Variants in SLC13A5 observed in about 807,000 individuals in gnomAD.
SLC13A5 encodes Na(+)/citrate cotransporter.
In SLC13A5, 25 loss-of-function variants were observed where a neutral mutation model predicts 56.5. The ratio of observed to expected loss-of-function variants is 0.44; its 90% CI spans 0.32 to 0.62. The LOEUF is 0.62. Ranked by LOEUF, SLC13A5 falls within the 20% of genes least tolerant of loss-of-function variation. SLC13A5 has a pLI of 0.04. For missense variants in SLC13A5, 649 were observed against 737.8 expected (o/e 0.88, Z 1.39); for synonymous variants, 307 against 301.5 (o/e 1.02, Z -0.19).
rs1329149350 is a variant in SLC13A5, at chr17:6,692,045, T to C, written c.1275+999A>G. On this transcript the variant is annotated intron_variant, in intron 9 of 11. Transcript: ENST00000433363. This position sits in a 1 kb window ranked among gnomAD's most constrained non-coding sequence, Gnocchi z 5.5. Reference sequence around the variant, plus strand: ...TGAAGTCTGCCACGAACAGGGACCGTATCTCAATCTCCTCTGTAATCTCTG... The same window carrying C: ...TGAAGTCTGCCACGAACAGGGACCGCATCTCAATCTCCTCTGTAATCTCTG... Among the ~76,000 whole-genome samples, 1 of 152,196 alleles carries C rather than the reference T, an allele frequency of 6.6e-6. No homozygotes were observed. Among genetic ancestry groups the C allele is most frequent in the Non-Finnish European group, 1.5e-5 (1 of 68,032 alleles).
chr17:6,694,076 C>A, intron 8 of SLC13A5, 21 bp downstream of exon 8: 1 of 1,554,786 alleles, frequency 6.4e-7, no homozygotes, highest in South Asian at 1.1e-5. Flanking sequence ...GATGACTGGG[C>A]GATCAGAACA....
chr17:6,696,861 T>C (rs1973575788), intron 6 of SLC13A5, among the ~76,000 whole-genome samples: 1 of 152,100 alleles, frequency 6.6e-6, no homozygotes, highest in African/African-American at 2.4e-5. Flanking sequence ...AAGGGGTTGA[T>C]GGAATAGGAG....
rs1973548831 is a variant in SLC13A5, at chr17:6,695,907, T to G, written c.874A>C (p.Lys292Gln). 6.2e-7 allele frequency: 1 copy of G among 1,614,080 alleles called. No homozygotes were observed. The highest frequency in any genetic ancestry group is 2.2e-5 in the East Asian group (1 of 44,876). Residue 292 changes from lysine (K) to glutamine (Q), a missense_variant, in exon 7 of 12, where the codon AAG becomes CAG. Lys to Gln is a moderately conservative substitution (Grantham distance 53). Transcript: ENST00000433363. ...TTGAGGGCAGCCTTCTCGTTTTTCTTGCTCTCTAGCCCGCAGCCCCAGGAC... is the reference window on the plus strand; with the variant it reads ...TTGAGGGCAGCCTTCTCGTTTTTCTGGCTCTCTAGCCCGCAGCCCCAGGAC... ...KKSWGCGLES[K>Q]KNEKAALKVL... is the part of the protein sequence containing the mutation.
chr17:6,705,371 A>T (rs1032479110), intron 3 of SLC13A5: 2 of 152,102 alleles, frequency 1.3e-5, no homozygotes, highest in Admixed American at 1.3e-4. Flanking sequence ...ATACAGAAGC[A>T]TGTGTGAACT....
Position 6,687,211 on chromosome 17 carries a change from A to C in SLC13A5, c.1575+318T>G. On this transcript the variant is annotated intron_variant, in intron 11 of 11. Coordinates refer to ENST00000433363, the MANE Select transcript of SLC13A5 (RefSeq NM_177550.5). This position sits in a 1 kb window ranked among gnomAD's most constrained non-coding sequence, Gnocchi z 5.0. Reference sequence around the variant, plus strand: ...CTTCATGGTTCTTGCTAATTTGTCAAGTTCATCCTTGGCCATATGAGTCCC... The same window carrying C: ...CTTCATGGTTCTTGCTAATTTGTCACGTTCATCCTTGGCCATATGAGTCCC... 1 of 304,052 alleles carries C rather than the reference A, an allele frequency of 3.3e-6. No individual in the cohort carries two copies. Among genetic ancestry groups the C allele is most frequent in the South Asian group, 3.6e-5 (1 of 28,046 alleles). The allele number at this position is 304,052 out of a possible 1,614,324, so 18.8% of individuals were successfully genotyped here.
chr17:6,696,996 T>C (rs1973579820), intron 6 of SLC13A5, among the ~76,000 whole-genome samples: 1 of 151,794 alleles, frequency 6.6e-6, no homozygotes, highest in South Asian at 2.1e-4. Flanking sequence ...CTTTCTGGGG[T>C]GCTCAGGGGT....
rs896170301 is a variant in SLC13A5, at chr17:6,685,921, C to T, written c.*286G>A. ...TACAGCAGCCTGCATCCTGATCCCT[C>T]GGCTACCTGGCCTCCCTCACAGAGA... On this transcript the variant is annotated 3_prime_UTR_variant, in exon 12 of 12. Coordinates refer to ENST00000433363, the MANE Select transcript of SLC13A5 (RefSeq NM_177550.5). The surrounding 1 kb of genome is among the most constrained non-coding windows in gnomAD (Gnocchi z 4.2). 10 of 415,646 alleles carry T rather than the reference C, an allele frequency of 2.4e-5. No individual in the cohort carries two copies. Among genetic ancestry groups the T allele is most frequent in the African/African-American group, 6.0e-5 (3 of 49,888 alleles). The allele number at this position is 415,646 out of a possible 1,614,324, so 25.7% of individuals were successfully genotyped here.
chr17:6,690,898 A>G lies in SLC13A5; in HGVS notation c.1318T>C (p.Leu440=), dbSNP rs1341974633. The stretch of plus-strand genomic sequence containing the variant: ...ATGGCTGCCGGGGGCACTGCGTGCA[A>G]GGGCTCCATCTGCTTCCCCATCCAC... ...SVWMGKQMEP[L]HAVPPAAITL... is the part of the protein sequence containing the mutation. Residue 440 remains leucine (L), a synonymous_variant, in exon 10 of 12, where the codon TTG becomes CTG. Transcript: ENST00000433363. The G allele has an allele frequency of 3.7e-6, 6 of 1,613,994 alleles. No individual in the cohort carries two copies. In the South Asian group the frequency reaches 6.6e-5, roughly 18 times the overall value.
rs139436709 is a variant in SLC13A5, at chr17:6,711,540, TTTTGTGTGTGTG to T, written c.102+1680_102+1691del. 0.15 allele frequency among the ~76,000 whole-genome samples: 22,969 copies of T among 149,732 alleles called. 2,039 individuals carry two copies. Among genetic ancestry groups the T allele is most frequent in the Admixed American group, 0.32 (4,766 of 15,024 alleles). The stretch of plus-strand genomic sequence containing the variant: ...TGTGTGTGTTTGTGTTTTTTGTGTG[TTTTGTGTGTGTG>T]TTTGTGTGTGTGTTTGTGTGTCTGT... On this transcript the variant is annotated intron_variant, in intron 1 of 11. Transcript: ENST00000433363. This position sits in a 1 kb window ranked among gnomAD's most constrained non-coding sequence, Gnocchi z 4.0.
rs2150960639 is a variant in SLC13A5, at chr17:6,686,115, G to T, written c.*92C>A. 2 of 1,564,168 alleles carry T rather than the reference G, an allele frequency of 1.3e-6. No individual in the cohort carries two copies. Among genetic ancestry groups the T allele is most frequent in the East Asian group, 2.3e-5 (1 of 44,290 alleles). ...TGTGGACATCGTTGGGTCATTTTGG[G>T]GTGTGAACCCCAAAACTCTGTACAA... On this transcript the variant is annotated 3_prime_UTR_variant, in exon 12 of 12. Coordinates refer to ENST00000433363, the MANE Select transcript of SLC13A5 (RefSeq NM_177550.5).
chr17:6,692,911 G>T lies in SLC13A5; in HGVS notation c.1275+133C>A. 1.4e-6 allele frequency: 1 copy of T among 714,466 alleles called. No homozygotes were observed. The highest frequency in any genetic ancestry group is 2.5e-6 in the Non-Finnish European group (1 of 395,872). 44.3% of individuals were successfully genotyped at this position (714,466 alleles called of 1,614,324 possible). A position where few individuals can be genotyped will look rare whatever the true frequency, so the allele number is the denominator to read the frequency against. On this transcript the variant is annotated intron_variant, in intron 9 of 11. Coordinates refer to ENST00000433363, the MANE Select transcript of SLC13A5 (RefSeq NM_177550.5). This position sits in a 1 kb window ranked among gnomAD's most constrained non-coding sequence, Gnocchi z 5.5. ...TCCTAGATGACAAGACAGAGTCCAT[G>T]TCCTCAAGGAATGTGCGGTTATACG...
chr17:6,707,203 C>T (rs768850143), intron 1 of SLC13A5, 47 bp from the exon 2 acceptor site: 12 of 1,607,516 alleles, frequency 7.5e-6, no homozygotes, highest in Admixed American at 1.7e-5. Flanking sequence ...CCTCCCTCTC[C>T]CCACCCCCAG....
intron 8 of SLC13A5, chr17:6,693,544 A>G (rs781038193): frequency 1.8e-5 from 3 of 164,356 alleles, no homozygotes; most frequent in Non-Finnish European, 3.9e-5. Flanking sequence ...GCAAGAAAAC[A>G]TTAATTTATG....
At chr17:6,702,217 C>A (rs896899242) in intron 5 of SLC13A5, among the ~76,000 whole-genome samples, 7 of 152,274 alleles carry the variant, frequency 4.6e-5, no homozygotes, top group South Asian at 4.1e-4. Flanking sequence ...TTTGTGCCTG[C>A]CCACTGCAAT....
At chr17:6,708,655 T>C (rs1423647044) in intron 1 of SLC13A5, among the ~76,000 whole-genome samples, 3 of 152,176 alleles carry the variant, frequency 2.0e-5, no homozygotes, top group African/African-American at 4.8e-5. Flanking sequence ...TTAAGAAACA[T>C]TGAAAACAAG....
chr17:6,712,416 G>A (rs887936818), intron 1 of SLC13A5, among the ~76,000 whole-genome samples: 2 of 152,352 alleles, frequency 1.3e-5, no homozygotes, highest in African/African-American at 2.4e-5. Flanking sequence ...TGGAGCCTGC[G>A]CCCACCCTGC....
chr17:6,700,435 G>A (rs1468774594), intron 6 of SLC13A5, among the ~76,000 whole-genome samples: 1 of 152,272 alleles, frequency 6.6e-6, no homozygotes, highest in Non-Finnish European at 1.5e-5. Flanking sequence ...TTGAGGCACA[G>A]AGCGTATGCG....
At position 6,694,161 on chromosome 17, in the gene SLC13A5, G is replaced by A. The variant is rs55698160; in HGVS notation, c.1092C>T (p.Ala364=). The A allele has an allele frequency of 0.087, 140,372 of 1,612,512 alleles. 6,722 individuals carry two copies. Among genetic ancestry groups the A allele is most frequent in the African/African-American group, 0.12 (8,758 of 74,900 alleles). ...GTGAAGGCACAATGAATAGCAGGGT[G>A]GCCACAAAGATGGCCACAGTGGCAT... ...VSDATVAIFV[A]TLLFIVPSQK... Residue 364 remains alanine, a synonymous_variant, in exon 8 of 12, where the codon GCC becomes GCT. Transcript: ENST00000433363.
At chr17:6,700,533 C>A (rs1973681757) in intron 6 of SLC13A5, among the ~76,000 whole-genome samples, 1 of 152,248 alleles carries the variant, frequency 6.6e-6, no homozygotes. Flanking sequence ...CAATGTCGAA[C>A]TGGCACGTGG....
Sources: allele counts gnomAD v4.1 joint callset (sites outside exome capture counted in the v4.1 genomes callset), GRCh38; gene constraint gnomAD v4.1.1; non-coding constraint Gnocchi (gnomAD v3.1); transcripts MANE v1.5; gene names NCBI Gene and HGNC (gene_info 2026-07-23, HGNC 2026-07-21).